GALNT18: variants seen among roughly 807,000 people sequenced by gnomAD.
GALNT18 encodes the protein polypeptide N-acetylgalactosaminyltransferase 18, also known as GalNAc-transferase 18.
Under a neutral mutation model 69.5 loss-of-function variants are expected in GALNT18, and 44 were observed. The ratio of observed to expected loss-of-function variants is 0.63; its 90% CI spans 0.50 to 0.81. GALNT18 has a LOEUF of 0.81. GALNT18 is among the 40% of genes least tolerant of loss of function. The pLI is 0.00. For missense variants in GALNT18, 715 were observed against 810.0 expected (o/e 0.88, Z 1.42); for synonymous variants, 364 against 318.2 (o/e 1.14, Z -1.53).
At chr11:11,407,470 AC>A (rs1854617821) in intron 3 of GALNT18, among the ~76,000 whole-genome samples, 1 of 152,180 alleles carries the variant, frequency 6.6e-6, no homozygotes. Context: ...TTCAGCACAC[AC>A]GTCTCTGTTC....
At chr11:11,352,809 G>T (rs771531618) in intron 6 of GALNT18, 2 of 1,614,066 alleles carry the variant, frequency 1.2e-6, no homozygotes, top group African/African-American at 2.7e-5. Context: ...TCGTGACACA[G>T]GGTCTTTTAC....
intron 3 of GALNT18, among the ~76,000 whole-genome samples, chr11:11,388,129 C>T (rs978852020): frequency 6.6e-6 from 1 of 152,174 alleles, no homozygotes; most frequent in Non-Finnish European, 1.5e-5. Flanking sequence ...AACATTAATT[C>T]AGCCTTATCA....
At chr11:11,388,532 G>C (rs1480329628) in intron 3 of GALNT18, among the ~76,000 whole-genome samples, 1 of 152,176 alleles carries the variant, frequency 6.6e-6, no homozygotes, top group Non-Finnish European at 1.5e-5. Context: ...GAGTTCTAAT[G>C]TTTGCCACTG....
chr11:11,450,604 G>A (rs771332012), intron 1 of GALNT18, among the ~76,000 whole-genome samples: 3 of 152,144 alleles, frequency 2.0e-5, no homozygotes, highest in Non-Finnish European at 4.4e-5. Context: ...AAACTCCCAG[G>A]TGCCGAACTC....
intron 10 of GALNT18, among the ~76,000 whole-genome samples, chr11:11,287,706 A>AG (rs1226551482): frequency 6.6e-6 from 1 of 152,222 alleles, no homozygotes; most frequent in Non-Finnish European, 1.5e-5. Flanking sequence ...AATCACAAAC[A>AG]GGAAAAAATC....
intron 3 of GALNT18, among the ~76,000 whole-genome samples, chr11:11,431,739 G>T (rs956868931): frequency 6.6e-6 from 1 of 152,086 alleles, no homozygotes; most frequent in African/African-American, 2.4e-5. Context: ...TGATTCACTA[G>T]GAAATTTATT....
At chr11:11,351,478 A>G (rs1404997443) in intron 6 of GALNT18, among the ~76,000 whole-genome samples, 2 of 152,176 alleles carry the variant, frequency 1.3e-5, no homozygotes, top group African/African-American at 2.4e-5. Context: ...AGGGGACACA[A>G]AATCTAGAAG....
intron 1 of GALNT18, among the ~76,000 whole-genome samples, chr11:11,474,142 T>G (rs1856336119): frequency 6.6e-6 from 1 of 152,138 alleles, no homozygotes; most frequent in African/African-American, 2.4e-5. Flanking sequence ...AGAACCCAGG[T>G]CATCACAGAT....
chr11:11,301,500 A>G (rs1849493816), intron 9 of GALNT18, among the ~76,000 whole-genome samples: 5 of 152,176 alleles, frequency 3.3e-5, no homozygotes. Context: ...ATGTTCATCA[A>G]CCACAGCACG....
chr11:11,284,084 G>A (rs1044646483), intron 10 of GALNT18, among the ~76,000 whole-genome samples: 1 of 152,182 alleles, frequency 6.6e-6, no homozygotes, highest in Non-Finnish European at 1.5e-5. Flanking sequence ...CTTCAGTCTT[G>A]TCACTTGCAA....
intron 9 of GALNT18, among the ~76,000 whole-genome samples, chr11:11,302,099 A>C (rs920856187): frequency 6.6e-6 from 1 of 152,230 alleles, no homozygotes; most frequent in African/African-American, 2.4e-5. Flanking sequence ...CATTTGAAAA[A>C]TGATAGTGCC....
At chr11:11,535,811 C>A (rs1362689369) in intron 1 of GALNT18, among the ~76,000 whole-genome samples, 1 of 152,212 alleles carries the variant, frequency 6.6e-6, no homozygotes, top group African/African-American at 2.4e-5. Context: ...CCTGCATCTG[C>A]CCTGGGGACT....
At chr11:11,449,466 T>C (rs1317728420) in intron 1 of GALNT18, among the ~76,000 whole-genome samples, 2 of 152,200 alleles carry the variant, frequency 1.3e-5, no homozygotes, top group Non-Finnish European at 1.5e-5. Flanking sequence ...CACCTGGCTG[T>C]CAGCACCCCG....
At position 11,595,072 on chromosome 11, in the gene GALNT18, G is replaced by A. The variant is rs1859468534; in HGVS notation, c.235+26287C>T. Reference sequence around the variant, plus strand: ...TTCATTCCTAGAATTGAAATTACCTGGTCACATAAACTTTATGCTTAAAAT... The same window carrying A: ...TTCATTCCTAGAATTGAAATTACCTAGTCACATAAACTTTATGCTTAAAAT... On this transcript the variant is annotated intron_variant, in intron 1 of 10. Transcript: ENST00000227756. This position sits in a 1 kb window ranked among gnomAD's most constrained non-coding sequence, Gnocchi z 5.2. Among the ~76,000 whole-genome samples, 2 of 150,866 alleles carry A rather than the reference G, an allele frequency of 1.3e-5. No individual in the cohort carries two copies. The highest frequency in any genetic ancestry group is 4.9e-5 in the African/African-American group (2 of 41,002).
intron 10 of GALNT18, among the ~76,000 whole-genome samples, chr11:11,292,811 T>G (rs1849326390): frequency 1.3e-5 from 2 of 152,116 alleles, no homozygotes. Context: ...TCAGAGCCAA[T>G]ATCACAGGGG....
chr11:11,547,575 T>A (rs1359388685), intron 1 of GALNT18, among the ~76,000 whole-genome samples: 1 of 152,106 alleles, frequency 6.6e-6, no homozygotes, highest in Non-Finnish European at 1.5e-5. Context: ...CCCTCTTTGA[T>A]ACCCATTCAG....
chr11:11,406,521 G>T (rs111795062), intron 3 of GALNT18, among the ~76,000 whole-genome samples: 1 of 152,158 alleles, frequency 6.6e-6, no homozygotes, highest in African/African-American at 2.4e-5. Context: ...CTCCAAAGTC[G>T]CTTGCAGAAA....
In GALNT18 at chr11:11,494,845, A is replaced by G. The variant is rs777891251; in HGVS notation, c.236-45909T>C. Reference sequence around the variant, plus strand: ...ATTGGAGGGGAAGTATTTTAATCTTACAACTCCAACCATGATCATCTGGGA... The same window carrying G: ...ATTGGAGGGGAAGTATTTTAATCTTGCAACTCCAACCATGATCATCTGGGA... On this transcript the variant is annotated intron_variant, in intron 1 of 10. Coordinates refer to ENST00000227756, the MANE Select transcript of GALNT18 (RefSeq NM_198516.3). The surrounding 1 kb of genome is among the most constrained non-coding windows in gnomAD (Gnocchi z 5.7). Among the ~76,000 whole-genome samples, 8 of 152,236 alleles carry G rather than the reference A, an allele frequency of 5.3e-5. No individual in the cohort carries two copies. The highest frequency in any genetic ancestry group is 8.8e-5 in the Non-Finnish European group (6 of 68,050).
Position 11,616,963 on chromosome 11 carries a change from T to C in GALNT18, c.235+4396A>G, listed in dbSNP as rs1458457756. 2.0e-5 allele frequency among the ~76,000 whole-genome samples: 3 copies of C among 152,220 alleles called. No individual in the cohort carries two copies. The highest frequency in any genetic ancestry group is 4.4e-5 in the Non-Finnish European group (3 of 68,042). On this transcript the variant is annotated intron_variant, in intron 1 of 10. Transcript: ENST00000227756. This position sits in a 1 kb window ranked among gnomAD's most constrained non-coding sequence, Gnocchi z 4.4. ...ATCAAATTACATGTGAGCAAAATCA[T>C]TGCAAAAGATCAGACAAAAATCGTA...
Sources: gnomAD v4.1 joint callset for allele counts (sites outside exome capture counted in the v4.1 genomes callset) on GRCh38, gnomAD v4.1.1 for gene constraint, Gnocchi (gnomAD v3.1) non-coding constraint, MANE v1.5 for transcripts, NCBI Gene and HGNC (gene_info 2026-07-23, HGNC 2026-07-21) for gene names.